The following FLT1 variants were observed in gnomAD, a reference collection of about 807,000 sequenced individuals.
FLT1 encodes vascular endothelial growth factor receptor 1.
A neutral mutation model predicts 156.3 loss-of-function variants in FLT1; 49 were observed. That is an observed-to-expected ratio of 0.31 (90% CI 0.25 to 0.40). FLT1 has a LOEUF of 0.40. Among genes scored for constraint, FLT1 ranks in the 10% least tolerant of loss-of-function variants. The probability of loss-of-function intolerance (pLI) is 1.00; values close to 1 mark genes in which losing one functional copy is unlikely to be tolerated. For missense variants in FLT1, 1,322 were observed against 1,637.2 expected (o/e 0.81, Z 3.32); for synonymous variants, 594 against 583.8 (o/e 1.02, Z -0.25).
intron 3 of FLT1, among the ~76,000 whole-genome samples, chr13:28,453,180 A>G (rs951555415): frequency 1.4e-5 from 2 of 144,952 alleles, no homozygotes; most frequent in African/African-American, 5.1e-5. Flanking sequence ...CTGGAGTGCA[A>G]TGCTGCCATC....
intron 11 of FLT1, among the ~76,000 whole-genome samples, chr13:28,404,133 CTT>C (rs1325580999): frequency 1.3e-5 from 2 of 152,090 alleles, no homozygotes; most frequent in African/African-American, 4.8e-5. Context: ...AAACTGCTCT[CTT>C]ATCAATAGCT....
intron 1 of FLT1, among the ~76,000 whole-genome samples, chr13:28,486,649 G>A (rs1881185559): frequency 6.6e-6 from 1 of 152,186 alleles, no homozygotes; most frequent in Non-Finnish European, 1.5e-5. Flanking sequence ...CCTAACGTAC[G>A]TACCTCACTC....
intron 28 of FLT1, among the ~76,000 whole-genome samples, chr13:28,307,336 T>C (rs1870791497): frequency 6.6e-6 from 1 of 152,196 alleles, no homozygotes; most frequent in African/African-American, 2.4e-5. Context: ...ACTAAGTGGA[T>C]CCCACGCTTT....
intron 5 of FLT1, 48 bp from the exon 6 acceptor site, chr13:28,434,003 A>C (rs1173236864): frequency 6.2e-7 from 1 of 1,613,708 alleles, no homozygotes; most frequent in African/African-American, 1.3e-5. Context: ...TTCATTACAC[A>C]GATAAAAATA....
intron 13 of FLT1, chr13:28,386,206 T>A (rs1033044165): frequency 1.3e-5 from 14 of 1,053,916 alleles, no homozygotes; most frequent in African/African-American, 1.7e-5. Flanking sequence ...CTTAATTCCA[T>A]GTCCCTGCAG....
intron 1 of FLT1, among the ~76,000 whole-genome samples, chr13:28,481,617 T>C (rs1281015955): frequency 1.3e-5 from 2 of 152,270 alleles, no homozygotes; most frequent in Non-Finnish European, 2.9e-5. Context: ...TGCCAGGCAC[T>C]GTACTGGATT....
At chr13:28,329,005 T>G (rs1832027015) in intron 19 of FLT1, among the ~76,000 whole-genome samples, 1 of 152,224 alleles carries the variant, frequency 6.6e-6, no homozygotes, top group South Asian at 2.1e-4. Flanking sequence ...TCATCTCTGC[T>G]ACCTCTGTTG....
At chr13:28,392,957 A>C (rs1245110466) in intron 12 of FLT1, among the ~76,000 whole-genome samples, 2 of 152,154 alleles carry the variant, frequency 1.3e-5, no homozygotes, top group Non-Finnish European at 2.9e-5. Context: ...GGAAGATGAT[A>C]AATAAAAATC....
intron 12 of FLT1, among the ~76,000 whole-genome samples, chr13:28,392,252 G>T (rs1283643864): frequency 6.6e-6 from 1 of 152,204 alleles, no homozygotes; most frequent in Non-Finnish European, 1.5e-5. Context: ...ACCAGTGGAG[G>T]TTTTCCTGCT....
At position 28,316,402 on chromosome 13, in the gene FLT1, G is replaced by A. The variant is rs201736028; in HGVS notation, c.3386+1096C>T. On this transcript the variant is annotated intron_variant, in intron 25 of 29. Coordinates refer to ENST00000282397, the MANE Select transcript of FLT1 (RefSeq NM_002019.4). The stretch of plus-strand genomic sequence containing the variant: ...GAGGGCCCCTGCCAGTTCAGGAAAG[G>A]TGGTGCCGCCTCAGGGAGGCCCAAG... 4.6e-5 allele frequency among the ~76,000 whole-genome samples: 7 copies of A among 152,392 alleles called. No homozygotes were observed. In the East Asian group the frequency reaches 1.3e-3, roughly 29 times the overall value.
rs768170714 is a variant in FLT1, at chr13:28,317,490, G to A, written c.3386+8C>T. 6 of 1,588,554 alleles carry A rather than the reference G, an allele frequency of 3.8e-6. No homozygotes were observed. The highest frequency in any genetic ancestry group is 4.5e-5 in the East Asian group (2 of 44,776). The stretch of plus-strand genomic sequence containing the variant: ...TCAGATGGGGAGCAGAGGGCACCAA[G>A]GGCTCACATTTCAGGAGTAGAGTAC... On this transcript the variant is annotated splice_region_variant and intron_variant, in intron 25 of 29. Transcript: ENST00000282397.
intron 1 of FLT1, among the ~76,000 whole-genome samples, chr13:28,470,627 C>A (rs1476333521): frequency 1.3e-5 from 2 of 152,202 alleles, no homozygotes; most frequent in Non-Finnish European, 2.9e-5. Context: ...TGACCCTCAT[C>A]AGAGGAAACC....
In FLT1 at chr13:28,306,692, G is replaced by T. The variant is rs758117530; in HGVS notation, c.3801C>A (p.Ala1267=). Reference sequence around the variant, plus strand: ...CCAATTCTTACTCAATCTTGAGCGAGGCCTTGGGTTTGCTGTCAGTCCAGG... The same window carrying T: ...CCAATTCTTACTCAATCTTGAGCGATGCCTTGGGTTTGCTGTCAGTCCAGG... ...RFTWTDSKPK[A]SLKIDLRVTS... is the part of the protein sequence containing the mutation. Residue 1267 remains alanine, a synonymous_variant, in exon 29 of 30, where the codon GCC becomes GCA. Transcript: ENST00000282397. 1.2e-6 allele frequency: 2 copies of T among 1,612,186 alleles called. No individual in the cohort carries two copies. Among genetic ancestry groups the T allele is most frequent in the Non-Finnish European group, 1.7e-6 (2 of 1,178,234 alleles).
intron 1 of FLT1, among the ~76,000 whole-genome samples, chr13:28,483,588 G>C (rs1880979080): frequency 6.6e-6 from 1 of 152,134 alleles, no homozygotes; most frequent in Non-Finnish European, 1.5e-5. Context: ...CCGAGTAACA[G>C]GTCAAGAAAG....
chr13:28,362,734 T>G (rs564099183), intron 14 of FLT1, among the ~76,000 whole-genome samples: 1 of 152,296 alleles, frequency 6.6e-6, no homozygotes, highest in South Asian at 2.1e-4. Flanking sequence ...TGGATTTCAC[T>G]CAAGGAGAGT....
chr13:28,466,988 G>A lies in FLT1; in HGVS notation c.303C>T (p.His101=). The change falls in exon 3 of 30, where the codon CAC becomes CAT. Residue 101 remains histidine, a synonymous_variant. Transcript: ENST00000282397. The part of the protein sequence containing the change: ...TLTLNTAQAN[H]TGFYSCKYLA... The stretch of plus-strand genomic sequence containing the variant: ...GATATTTGCAGCTGTAGAAGCCAGT[G>A]TGGTTTGCTTGAGCTGTGTTCAAGG... The A allele has an allele frequency of 6.2e-7, 1 of 1,614,142 alleles. No individual in the cohort carries two copies. Among genetic ancestry groups the A allele is most frequent in the Non-Finnish European group, 8.5e-7 (1 of 1,179,966 alleles).
intron 3 of FLT1, among the ~76,000 whole-genome samples, chr13:28,449,665 A>AT (rs1433601397): frequency 6.6e-6 from 1 of 152,190 alleles, no homozygotes; most frequent in Non-Finnish European, 1.5e-5. Flanking sequence ...GAGAAAAGTC[A>AT]TTGTGTTTCA....
At chr13:28,346,789 T>C (rs1872583155) in intron 15 of FLT1, among the ~76,000 whole-genome samples, 1 of 152,214 alleles carries the variant, frequency 6.6e-6, no homozygotes, top group African/African-American at 2.4e-5. Context: ...AGTGAAATTT[T>C]CTTTTTAGAA....
At chr13:28,381,449 C>A (rs1874075440) in intron 14 of FLT1, among the ~76,000 whole-genome samples, 1 of 152,148 alleles carries the variant, frequency 6.6e-6, no homozygotes, top group African/African-American at 2.4e-5. Context: ...ATCCCAGCTA[C>A]TCAGAAGGCT....
Sources: allele counts gnomAD v4.1 joint callset (sites outside exome capture counted in the v4.1 genomes callset), GRCh38; gene constraint gnomAD v4.1.1; transcripts MANE v1.5; gene names NCBI Gene and HGNC (gene_info 2026-07-23, HGNC 2026-07-21).